The following RYR3 variants were observed in gnomAD, a reference collection of about 807,000 sequenced individuals.
The protein encoded by RYR3 is ryanodine receptor 3.
RYR3 carries 207 observed loss-of-function variants against 584.3 expected under a neutral mutation model. That is an observed-to-expected ratio of 0.35 (90% CI 0.32 to 0.40). The LOEUF is 0.40. Among genes scored for constraint, RYR3 ranks in the 10% least tolerant of loss-of-function variants. RYR3 has a pLI of 1.00. For synonymous variants in RYR3, 2,416 were observed against 2,248.5 expected (o/e 1.07, Z -2.11); for missense variants, 5,616 against 6,089.2 (o/e 0.92, Z 2.59).
intron 16 of RYR3, among the ~76,000 whole-genome samples, chr15:33,595,823 A>C (rs532519636): frequency 6.6e-6 from 1 of 151,700 alleles, no homozygotes; most frequent in Non-Finnish European, 1.5e-5. Context: ...ACCTTAATTT[A>C]AAAAAAAATT....
At chr15:33,673,821 T>G (rs1167386179) in intron 38 of RYR3, among the ~76,000 whole-genome samples, 1 of 152,256 alleles carries the variant, frequency 6.6e-6, no homozygotes, top group African/African-American at 2.4e-5. Context: ...GCATCTTATC[T>G]CTATGCTTAG....
At chr15:33,400,429 A>G (rs1329433442) in intron 1 of RYR3, among the ~76,000 whole-genome samples, 3 of 152,172 alleles carry the variant, frequency 2.0e-5, no homozygotes, top group Non-Finnish European at 4.4e-5. Flanking sequence ...GCCCGTTCCT[A>G]CTGATGAAGC....
chr15:33,652,873 C>T lies in RYR3; in HGVS notation c.4298C>T (p.Thr1433Ile). Residue 1433 changes from threonine to isoleucine, a missense_variant, in exon 32 of 104, where the codon ACC (threonine) becomes ATC (isoleucine). Thr to Ile is a moderately conservative substitution (Grantham distance 89, BLOSUM62 -1). Around this residue, in one of 9 missense-constraint regions of RYR3, gnomAD observed 753 missense variants for 741.0 expected, o/e 1.02. Coordinates refer to ENST00000634891, the MANE Select transcript of RYR3 (RefSeq NM_001036.6). ...TCAGCCAATGGAAAGGAACTGGGCA[C>T]CTGCTACCAGGTAAGGGCGGCTTCT... Reference protein sequence around the residue: ...SFSANGKELGTCYQVEPNTKV... With the variant: ...SFSANGKELGICYQVEPNTKV... 2 of 1,609,938 alleles carry T rather than the reference C, an allele frequency of 1.2e-6. No individual in the cohort carries two copies. The highest frequency in any genetic ancestry group is 1.7e-6 in the Non-Finnish European group (2 of 1,177,926).
At chr15:33,443,747 C>T (rs1342430544) in intron 1 of RYR3, among the ~76,000 whole-genome samples, 1 of 152,216 alleles carries the variant, frequency 6.6e-6, no homozygotes, top group African/African-American at 2.4e-5. Context: ...CAGGAATTCA[C>T]TGGCTGTGCC....
In RYR3 at chr15:33,723,282, CAGAT is replaced by C. The variant is rs1409289420; in HGVS notation, c.6800+390_6800+393del. Among the ~76,000 whole-genome samples, 13 of 152,344 alleles carry C rather than the reference CAGAT, an allele frequency of 8.5e-5. 1 individual carries two copies. The highest frequency in any genetic ancestry group is 2.9e-4 in the African/African-American group (12 of 41,578). On this transcript the variant is annotated intron_variant, in intron 44 of 103. Coordinates refer to ENST00000634891, the MANE Select transcript of RYR3 (RefSeq NM_001036.6). Reference sequence around the variant, plus strand: ...TCGTCCCATACCTCATTTGTAAAAACAGATAGTGCCTCCACTTCCTCTTCTGAAA... The same window carrying C: ...TCGTCCCATACCTCATTTGTAAAAACAGTGCCTCCACTTCCTCTTCTGAAA...
intron 1 of RYR3, among the ~76,000 whole-genome samples, chr15:33,345,472 C>T (rs1017907153): frequency 6.6e-5 from 10 of 152,110 alleles, no homozygotes; most frequent in South Asian, 2.1e-4. Flanking sequence ...GGTTCCTTAC[C>T]GCTCTAAAGG....
intron 18 of RYR3, among the ~76,000 whole-genome samples, chr15:33,610,443 G>A (rs2060123915): frequency 6.6e-6 from 1 of 152,116 alleles, no homozygotes. Context: ...CACGAGTTGG[G>A]TCTTCTGTCT....
chr15:33,736,193 G>A (rs375868506), intron 48 of RYR3, 42 bp from the exon 49 acceptor site: 2 of 1,283,454 alleles, frequency 1.6e-6, no homozygotes, highest in Non-Finnish European at 2.2e-6. Context: ...TTATTATTAT[G>A]TTTTCATTTT....
At chr15:33,571,042 A>G (rs887552122) in intron 12 of RYR3, among the ~76,000 whole-genome samples, 3 of 151,770 alleles carry the variant, frequency 2.0e-5, no homozygotes, top group Admixed American at 6.6e-5. Context: ...TTTCTTTCCA[A>G]TAGGGATGCC....
chr15:33,452,499 C>T (rs2047213321), intron 1 of RYR3, among the ~76,000 whole-genome samples: 1 of 152,116 alleles, frequency 6.6e-6, no homozygotes, highest in South Asian at 2.1e-4. Flanking sequence ...TATAAGAAGA[C>T]ATAGGCCATT....
In RYR3 at chr15:33,405,640, C is replaced by T. The variant is rs191192797; in HGVS notation, c.52-67779C>T. Among the ~76,000 whole-genome samples, 261 of 152,240 alleles carry T rather than the reference C, an allele frequency of 1.7e-3. 3 individuals are homozygous for T. Among genetic ancestry groups the T allele is most frequent in the African/African-American group, 6.0e-3 (248 of 41,538 alleles). On this transcript the variant is annotated intron_variant, in intron 1 of 103. Coordinates refer to ENST00000634891, the MANE Select transcript of RYR3 (RefSeq NM_001036.6). ...CTGATACTTACAAGCAAGTAAGGCACGTTGATAGTAATGATGTATATTAAC... is the reference window on the plus strand; with the variant it reads ...CTGATACTTACAAGCAAGTAAGGCATGTTGATAGTAATGATGTATATTAAC...
chr15:33,782,390 C>G (rs1046048782), intron 65 of RYR3, among the ~76,000 whole-genome samples: 12 of 152,168 alleles, frequency 7.9e-5, no homozygotes, highest in African/African-American at 2.9e-4. Context: ...ATTGCATATT[C>G]CAAAGGAAGA....
rs7182557 is a variant in RYR3, at chr15:33,509,897, C to T, written c.279+6159C>T. Among the ~76,000 whole-genome samples, 301 of 152,330 alleles carry T rather than the reference C, an allele frequency of 2.0e-3. 1 individual carries two copies. The highest frequency in any genetic ancestry group is 7.0e-3 in the African/African-American group (292 of 41,566). ...CCTGATTGGTAAGAACAGGATATCA[C>T]ATCATTAAATTTTTAACTTGCTTGA... On this transcript the variant is annotated intron_variant, in intron 3 of 103. Coordinates refer to ENST00000634891, the MANE Select transcript of RYR3 (RefSeq NM_001036.6).
At chr15:33,834,348 A>C (rs1232263153) in intron 86 of RYR3, among the ~76,000 whole-genome samples, 3 of 151,722 alleles carry the variant, frequency 2.0e-5, no homozygotes, top group South Asian at 4.2e-4. Context: ...GGAAAATGCA[A>C]ACTAAGTTAT....
Position 33,616,286 on chromosome 15 carries a change from A to G in RYR3, c.2357+2911A>G, listed in dbSNP as rs2060446989. 2.0e-5 allele frequency among the ~76,000 whole-genome samples: 3 copies of G among 152,192 alleles called. No individual in the cohort carries two copies. In the South Asian group the frequency reaches 6.2e-4, roughly 31 times the overall value. The stretch of plus-strand genomic sequence containing the variant: ...TGGTACATCTGCTCTCAAATGTTGC[A>G]TAATGATTCTGAATCATTAGTTCAT... On this transcript the variant is annotated intron_variant, in intron 19 of 103. Coordinates refer to ENST00000634891, the MANE Select transcript of RYR3 (RefSeq NM_001036.6).
At chr15:33,699,865 A>G (rs767411736) in intron 41 of RYR3, 32 bp downstream of exon 41, 8 of 1,600,928 alleles carry the variant, frequency 5.0e-6, no homozygotes, top group Non-Finnish European at 6.8e-6. Context: ...TTCCACATCC[A>G]AACTCGAAGG....
intron 43 of RYR3, among the ~76,000 whole-genome samples, chr15:33,711,942 T>C (rs2067151929): frequency 6.6e-6 from 1 of 152,224 alleles, no homozygotes; most frequent in African/African-American, 2.4e-5. Context: ...ATTAGTCCAT[T>C]CTTGCATTAC....
intron 65 of RYR3, among the ~76,000 whole-genome samples, chr15:33,784,274 C>T (rs958259467): frequency 2.0e-5 from 3 of 152,316 alleles, no homozygotes; most frequent in Middle Eastern, 3.4e-3. Flanking sequence ...GACCAGTGTT[C>T]CTTAAGGCCA....
In RYR3 at chr15:33,859,794, A is replaced by G; in HGVS notation, c.14299+63A>G. The G allele has an allele frequency of 8.7e-6, 13 of 1,489,148 alleles. No homozygotes were observed. In the South Asian group the frequency reaches 1.1e-4, roughly 13 times the overall value. The allele number at this position is 1,489,148 out of a possible 1,614,324, so 92.2% of individuals were successfully genotyped here. On this transcript the variant is annotated intron_variant, in intron 100 of 103. Coordinates refer to ENST00000634891, the MANE Select transcript of RYR3 (RefSeq NM_001036.6). ...AATCTAGTTCTTTTTGCTTTCTTCC[A>G]TCTATGACTTAATTGGTTTATGAAG...
Sources: gnomAD v4.1 joint callset for allele counts (sites outside exome capture counted in the v4.1 genomes callset) on GRCh38, gnomAD v4.1.1 for gene constraint, gnomAD v4.1.1 regional missense constraint, MANE v1.5 for transcripts, NCBI Gene and HGNC (gene_info 2026-07-23, HGNC 2026-07-21) for gene names.